Variants in ADAMTS3 observed in about 807,000 individuals in gnomAD.
ADAMTS3 encodes the protein A disintegrin and metalloproteinase with thrombospondin motifs 3.
In ADAMTS3, 73 loss-of-function variants were observed where a neutral mutation model predicts 129.0. That is an observed-to-expected ratio of 0.57 (90% CI 0.47 to 0.69). The LOEUF is 0.69. Ranked by LOEUF, ADAMTS3 falls within the 30% of genes least tolerant of loss-of-function variation. ADAMTS3 has a pLI of 0.00. For missense variants in ADAMTS3, 1,457 were observed against 1,514.5 expected (o/e 0.96, Z 0.63); for synonymous variants, 477 against 510.8 (o/e 0.93, Z 0.89).
At chr4:72,415,716 T>C (rs1722287674) in intron 3 of ADAMTS3, among the ~76,000 whole-genome samples, 1 of 152,030 alleles carries the variant, frequency 6.6e-6, no homozygotes, top group Admixed American at 6.6e-5. Context: ...ATCTTTTAAT[T>C]ATTCAGAAAA....
chr4:72,319,566 AT>A, intron 8 of ADAMTS3, 91 bp from the exon 9 acceptor site: 3 of 1,444,908 alleles, frequency 2.1e-6, no homozygotes, highest in Non-Finnish European at 2.8e-6. Flanking sequence ...GAAATAACGT[AT>A]TTTTGAGTCA....
At chr4:72,436,569 C>A (rs546478856) in intron 3 of ADAMTS3, among the ~76,000 whole-genome samples, 4 of 151,930 alleles carry the variant, frequency 2.6e-5, no homozygotes, top group Non-Finnish European at 4.4e-5. Context: ...ATGTTTATTG[C>A]GGCACTATTC....
intron 5 of ADAMTS3, among the ~76,000 whole-genome samples, chr4:72,328,078 C>T (rs1284985666): frequency 6.6e-6 from 1 of 152,062 alleles, no homozygotes; most frequent in Admixed American, 6.6e-5. Context: ...TAATGCAAAC[C>T]AAAGTACATC....
intron 4 of ADAMTS3, among the ~76,000 whole-genome samples, chr4:72,378,834 G>A (rs1472064914): frequency 9.9e-5 from 15 of 152,078 alleles, no homozygotes; most frequent in Admixed American, 9.8e-4. Flanking sequence ...CTCTCACAAA[G>A]CTGAAATCAA....
intron 4 of ADAMTS3, among the ~76,000 whole-genome samples, chr4:72,340,954 G>A (rs1223142605): frequency 1.3e-5 from 2 of 152,098 alleles, no homozygotes; most frequent in South Asian, 2.1e-4. Context: ...GTAAAAACAA[G>A]TTTGACAGAA....
chr4:72,531,900 G>T (rs1721053473), intron 3 of ADAMTS3, among the ~76,000 whole-genome samples: 1 of 152,094 alleles, frequency 6.6e-6, no homozygotes, highest in Non-Finnish European at 1.5e-5. Flanking sequence ...GCACTCATGT[G>T]TGCCTACAAA....
At chr4:72,568,599 GAGA>G (rs1722082197) in intron 1 of ADAMTS3, 92 bp downstream of exon 1, 5 of 917,218 alleles carry the variant, frequency 5.5e-6, no homozygotes, top group Non-Finnish European at 8.6e-6. Flanking sequence ...AGGGTGGGAG[GAGA>G]AGGAGGAAAG....
chr4:72,367,678 G>C (rs2109862724), intron 4 of ADAMTS3, among the ~76,000 whole-genome samples: 1 of 152,134 alleles, frequency 6.6e-6, no homozygotes, highest in East Asian at 1.9e-4. Flanking sequence ...GTGAAACCCT[G>C]TCTCTCCTAA....
chr4:72,324,394 A>T (rs752339017), intron 5 of ADAMTS3, among the ~76,000 whole-genome samples: 3 of 152,162 alleles, frequency 2.0e-5, no homozygotes, highest in Non-Finnish European at 2.9e-5. Flanking sequence ...ATGTAGACTG[A>T]AAGCATACTT....
At chr4:72,549,950 TAAAA>T (rs34598767) in intron 2 of ADAMTS3, among the ~76,000 whole-genome samples, 1 of 12,650 alleles carries the variant, frequency 7.9e-5, no homozygotes, top group East Asian at 2.1e-3. Flanking sequence ...GCAACAAGGG[TAAAA>T]AAAAAAAAAA....
intron 3 of ADAMTS3, among the ~76,000 whole-genome samples, chr4:72,431,010 G>A (rs1247274340): frequency 6.6e-6 from 1 of 151,914 alleles, no homozygotes; most frequent in Non-Finnish European, 1.5e-5. Flanking sequence ...AAGATTTTAA[G>A]ATTTTTTTTG....
At chr4:72,354,358 T>C (rs140222161) in intron 4 of ADAMTS3, among the ~76,000 whole-genome samples, 58 of 152,124 alleles carry the variant, frequency 3.8e-4, no homozygotes, top group Non-Finnish European at 7.8e-4. Flanking sequence ...CCCTTCTTTC[T>C]AGACCACTCT....
At chr4:72,331,196 T>C (rs576719996) in intron 5 of ADAMTS3, among the ~76,000 whole-genome samples, 41 of 152,290 alleles carry the variant, frequency 2.7e-4, no homozygotes, top group African/African-American at 9.6e-4. Flanking sequence ...GACTCGCTTC[T>C]AGAGTGATAG....
intron 4 of ADAMTS3, among the ~76,000 whole-genome samples, chr4:72,372,233 A>G (rs1295625734): frequency 6.6e-6 from 1 of 152,134 alleles, no homozygotes; most frequent in Non-Finnish European, 1.5e-5. Context: ...ATTAAACTAG[A>G]TGAAGTAGAA....
intron 3 of ADAMTS3, among the ~76,000 whole-genome samples, chr4:72,451,316 G>A (rs555358141): frequency 6.6e-6 from 1 of 151,580 alleles, no homozygotes; most frequent in East Asian, 2.0e-4. Context: ...AAATGTCAGG[G>A]GAAAAAAAGT....
At chr4:72,324,568 T>C (rs574037911) in intron 5 of ADAMTS3, among the ~76,000 whole-genome samples, 3 of 152,160 alleles carry the variant, frequency 2.0e-5, no homozygotes, top group Non-Finnish European at 4.4e-5. Context: ...TATACATATA[T>C]ACACATGCAC....
At chr4:72,556,080 G>C (rs919383852) in intron 2 of ADAMTS3, among the ~76,000 whole-genome samples, 1 of 151,718 alleles carries the variant, frequency 6.6e-6, no homozygotes, top group Non-Finnish European at 1.5e-5. Context: ...ACCAACCTAA[G>C]AGCAGTGTGA....
chr4:72,521,651 T>G lies in ADAMTS3; in HGVS notation c.504+26827A>C, dbSNP rs186190796. Among the ~76,000 whole-genome samples, 63 of 152,262 alleles carry G rather than the reference T, an allele frequency of 4.1e-4. 1 individual carries two copies. The highest frequency in any genetic ancestry group is 1.5e-3 in the African/African-American group (62 of 41,562). ...AAGAAACATCCTCGAAAGTGACTAT[T>G]TATTATATTATACATAAAAGTACCC... On this transcript the variant is annotated intron_variant, in intron 3 of 21. Coordinates refer to ENST00000286657, the MANE Select transcript of ADAMTS3 (RefSeq NM_014243.3).
chr4:72,339,853 C>T (rs1011473852), intron 4 of ADAMTS3, among the ~76,000 whole-genome samples, 160 bp from the exon 5 acceptor site: 44 of 152,192 alleles, frequency 2.9e-4, no homozygotes, highest in African/African-American at 1.0e-3. Context: ...CATATGCATA[C>T]GATCAGACAG....
Sources: gnomAD v4.1 joint callset for allele counts (sites outside exome capture counted in the v4.1 genomes callset) on GRCh38, gnomAD v4.1.1 for gene constraint, MANE v1.5 for transcripts, NCBI Gene and HGNC (gene_info 2026-07-23, HGNC 2026-07-21) for gene names.